The following ST8SIA6 variants were observed in gnomAD, a reference collection of about 807,000 sequenced individuals.
ST8SIA6 encodes ST8 alpha-N-acetyl-neuraminide alpha-2,8-sialyltransferase 6, also known as alpha-2,8-sialyltransferase 8F.
A neutral mutation model predicts 33.6 loss-of-function variants in ST8SIA6; 39 were observed. The ratio of observed to expected loss-of-function variants is 1.16; its 90% CI spans 0.90 to 1.52. The LOEUF is 1.52. Ranked by LOEUF, ST8SIA6 falls within the 40% of genes most tolerant of loss-of-function variation. The probability of loss-of-function intolerance (pLI) is 0.00; values close to 1 mark genes in which losing one functional copy is unlikely to be tolerated. For synonymous variants in ST8SIA6, 172 were observed against 167.2 expected, an observed-to-expected ratio of 1.03 and a Z score of -0.22; for missense variants, 441 against 443.8, an observed-to-expected ratio of 0.99 and a Z score of 0.06.
Position 17,327,005 on chromosome 10 carries a change from A to G in ST8SIA6, c.635+9T>C, listed in dbSNP as rs763225647. 1 of 1,577,068 alleles carries G rather than the reference A, an allele frequency of 6.3e-7. No individual in the cohort carries two copies. Among genetic ancestry groups the G allele is most frequent in the Non-Finnish European group, 8.6e-7 (1 of 1,160,340 alleles). On this transcript the variant is annotated intron_variant, in intron 6 of 7. Coordinates refer to ENST00000377602, the MANE Select transcript of ST8SIA6 (RefSeq NM_001004470.3). ...ATTGTTTCAAAGAAACCAATTTGTC[A>G]GGTCTTACCTAAAAACGAAGTCGGA...
intron 3 of ST8SIA6, among the ~76,000 whole-genome samples, chr10:17,386,434 G>A (rs1850350811): frequency 6.6e-6 from 1 of 152,204 alleles, no homozygotes; most frequent in Admixed American, 6.5e-5. Flanking sequence ...AGCTACTGGG[G>A]AGACTGAGGC....
At chr10:17,398,484 C>T (rs1003785612) in intron 2 of ST8SIA6, among the ~76,000 whole-genome samples, 2 of 152,232 alleles carry the variant, frequency 1.3e-5, no homozygotes, top group South Asian at 2.1e-4. Context: ...GTATATGACT[C>T]GTAATTAATA....
At chr10:17,348,924 C>T (rs1026742428) in intron 4 of ST8SIA6, among the ~76,000 whole-genome samples, 17 of 152,072 alleles carry the variant, frequency 1.1e-4, no homozygotes, top group African/African-American at 9.7e-5. Flanking sequence ...GGGCGGGAAG[C>T]GTAACTCTTG....
chr10:17,378,673 T>G (rs2131640713), intron 3 of ST8SIA6, among the ~76,000 whole-genome samples: 1 of 152,266 alleles, frequency 6.6e-6, no homozygotes, highest in African/African-American at 2.4e-5. Flanking sequence ...GTAGTGCATC[T>G]CCAATGCGTG....
At chr10:17,398,586 C>A (rs1166313494) in intron 2 of ST8SIA6, among the ~76,000 whole-genome samples, 2 of 152,126 alleles carry the variant, frequency 1.3e-5, no homozygotes, top group African/African-American at 4.8e-5. Context: ...ATCCCAAATT[C>A]TATTTACAAT....
intron 2 of ST8SIA6, among the ~76,000 whole-genome samples, chr10:17,429,079 C>T (rs1295240589): frequency 1.3e-5 from 2 of 151,622 alleles, no homozygotes; most frequent in African/African-American, 4.8e-5. Context: ...TCTTGTGTTT[C>T]GTTCTGTAGT....
chr10:17,412,149 A>C (rs1211893102), intron 2 of ST8SIA6, among the ~76,000 whole-genome samples: 1 of 151,908 alleles, frequency 6.6e-6, no homozygotes, highest in Admixed American at 6.6e-5. Context: ...ATCCCTCTTG[A>C]CCATGGTTAG....
In ST8SIA6 at chr10:17,403,286, T is replaced by TC. The variant is rs1383110002; in HGVS notation, c.201-12667_201-12666insG. ...TCAGTGTGCAAAAGTGGGACCCTAA[T>TC]TAGGAAATGGTGTCTTTAGGCGAGT... On this transcript the variant is annotated intron_variant, in intron 2 of 7. Coordinates refer to ENST00000377602, the MANE Select transcript of ST8SIA6 (RefSeq NM_001004470.3). Among the ~76,000 whole-genome samples the TC allele has an allele frequency of 1.1e-4, 16 of 152,290 alleles. No homozygotes were observed. In the East Asian group the frequency reaches 3.1e-3, roughly 29 times the overall value.
At position 17,353,002 on chromosome 10, in the gene ST8SIA6, T is replaced by C. The variant is rs552873352; in HGVS notation, c.377+6512A>G. 1.6e-4 allele frequency among the ~76,000 whole-genome samples: 25 copies of C among 152,278 alleles called. No homozygotes were observed. The South Asian group carries it at 2.9e-3, about 18-fold the overall frequency. On this transcript the variant is annotated intron_variant, in intron 4 of 7. Coordinates refer to ENST00000377602, the MANE Select transcript of ST8SIA6 (RefSeq NM_001004470.3). The stretch of plus-strand genomic sequence containing the variant: ...AATATGTATTGCTTTCAGCTGTCAA[T>C]GTAGTCACCCTGTATGAATTGTAAA...
chr10:17,390,527 T>C lies in ST8SIA6; in HGVS notation c.290+4A>G. Reference sequence around the variant, plus strand: ...GGAAATTAAATGTGAAGAGTAGAACTTACCCTTTCGTTTTGTTAGAGAAAG... The same window carrying C: ...GGAAATTAAATGTGAAGAGTAGAACCTACCCTTTCGTTTTGTTAGAGAAAG... On this transcript the variant is annotated splice_donor_region_variant and intron_variant, in intron 3 of 7. Transcript: ENST00000377602. 1 of 1,608,388 alleles carries C rather than the reference T, an allele frequency of 6.2e-7. No homozygotes were observed. The highest frequency in any genetic ancestry group is 8.5e-7 in the Non-Finnish European group (1 of 1,175,714).
chr10:17,418,113 C>T (rs748792104), intron 2 of ST8SIA6, among the ~76,000 whole-genome samples: 1 of 152,168 alleles, frequency 6.6e-6, no homozygotes, highest in Non-Finnish European at 1.5e-5. Context: ...GGCTGGAGTA[C>T]AGTAGTGCGA....
Position 17,319,479 on chromosome 10 carries a change from C to T in ST8SIA6, c.*1399G>A, listed in dbSNP as rs1467291487. 2.0e-5 allele frequency among the ~76,000 whole-genome samples: 3 copies of T among 152,070 alleles called. No individual in the cohort carries two copies. The highest frequency in any genetic ancestry group is 3.8e-4 in the East Asian group (2 of 5,196). On this transcript the variant is annotated 3_prime_UTR_variant, in exon 8 of 8. Coordinates refer to ENST00000377602, the MANE Select transcript of ST8SIA6 (RefSeq NM_001004470.3). ...GAACCAGAAACTTCAGATGTGTTAA[C>T]TTGGAAATGTCTACAATTTTCTCCA...
intron 3 of ST8SIA6, among the ~76,000 whole-genome samples, chr10:17,389,854 G>A (rs1000091975): frequency 2.6e-5 from 4 of 152,114 alleles, no homozygotes; most frequent in East Asian, 1.9e-4. Flanking sequence ...ACAGGATTTC[G>A]GTCTGTCACC....
intron 2 of ST8SIA6, among the ~76,000 whole-genome samples, chr10:17,441,661 A>G (rs1257306164): frequency 2.0e-5 from 3 of 152,036 alleles, no homozygotes; most frequent in Admixed American, 1.3e-4. Context: ...TGCCAGCACC[A>G]TTTGTTGAAA....
At chr10:17,431,409 A>G (rs1328434154) in intron 2 of ST8SIA6, among the ~76,000 whole-genome samples, 1 of 152,228 alleles carries the variant, frequency 6.6e-6, no homozygotes, top group Non-Finnish European at 1.5e-5. Flanking sequence ...ATAATGATAT[A>G]CCAATTTGAA....
intron 5 of ST8SIA6, among the ~76,000 whole-genome samples, chr10:17,330,040 C>T (rs182613140): frequency 3.2e-4 from 48 of 152,136 alleles, no homozygotes; most frequent in African/African-American, 1.1e-3. Flanking sequence ...ATTTCCACCA[C>T]GAGCCCCGTC....
chr10:17,345,473 A>C (rs917788557), intron 4 of ST8SIA6, among the ~76,000 whole-genome samples: 7 of 152,206 alleles, frequency 4.6e-5, no homozygotes, highest in African/African-American at 1.7e-4. Flanking sequence ...GCTTAAGCTG[A>C]AAACTTAAAC....
Position 17,451,950 on chromosome 10 carries a change from A to C in ST8SIA6, c.200+1609T>G, listed in dbSNP as rs1852926766. ...CAAGAAGTATGCCAAGTAGAAAAGA[A>C]GTATGTCAAAAGAAAGTGAAAAATT... On this transcript the variant is annotated intron_variant, in intron 2 of 7. Coordinates refer to ENST00000377602, the MANE Select transcript of ST8SIA6 (RefSeq NM_001004470.3). Among the ~76,000 whole-genome samples, 3 of 152,240 alleles carry C rather than the reference A, an allele frequency of 2.0e-5. No homozygotes were observed. The South Asian group carries it at 6.2e-4, about 32-fold the overall frequency.
At position 17,363,530 on chromosome 10, in the gene ST8SIA6, G is replaced by A. The variant is rs572259030; in HGVS notation, c.291-3930C>T. On this transcript the variant is annotated intron_variant, in intron 3 of 7. Coordinates refer to ENST00000377602, the MANE Select transcript of ST8SIA6 (RefSeq NM_001004470.3). ...TTTTGGCTGACTCGTGGACTTGAGA[G>A]TAATCTCCTTTCTCAGCCCTCTTTG... is the stretch of plus-strand genomic sequence containing the variant. 5.3e-5 allele frequency among the ~76,000 whole-genome samples: 8 copies of A among 152,294 alleles called. No homozygotes were observed. In the South Asian group the frequency reaches 1.7e-3, roughly 32 times the overall value.
Sources: allele counts gnomAD v4.1 joint callset (sites outside exome capture counted in the v4.1 genomes callset), GRCh38; gene constraint gnomAD v4.1.1; transcripts MANE v1.5; gene names NCBI Gene and HGNC (gene_info 2026-07-23, HGNC 2026-07-21).